ABCB4: variants seen among roughly 807,000 people sequenced by gnomAD.
ABCB4 encodes ATP binding cassette subfamily B member 4, also known as phosphatidylcholine translocator ABCB4.
Under a neutral mutation model 145.7 loss-of-function variants are expected in ABCB4, and 76 were observed. That is an observed-to-expected ratio of 0.52 (90% CI 0.43 to 0.63). ABCB4 has a LOEUF of 0.63. ABCB4 is among the 30% of genes least tolerant of loss of function. The pLI, the probability that ABCB4 is intolerant of heterozygous loss-of-function variation, is 0.00. For missense variants in ABCB4, 1,234 were observed against 1,553.1 expected (o/e 0.79, Z 3.45); for synonymous variants, 517 against 566.8 (o/e 0.91, Z 1.25).
the ABCB4 span, among the ~76,000 whole-genome samples, chr7:87,372,062 G>T: frequency 6.6e-6 from 1 of 151,444 alleles, no homozygotes; most frequent in Non-Finnish European, 1.5e-5. Flanking sequence ...GTGAAAAATG[G>T]TTTTCATTGT....
downstream of ABCB4, among the ~76,000 whole-genome samples, chr7:87,397,669 G>A (rs1427653754): frequency 6.6e-6 from 1 of 152,136 alleles, no homozygotes; most frequent in East Asian, 1.9e-4. Context: ...ACTTCCTAAA[G>A]GTTTCTGTAT....
rs3834727 is a variant in ABCB4, at chr7:87,443,524, G to GA, written c.1231-81dup. On this transcript the variant is annotated intron_variant, in intron 11 of 27. Transcript: ENST00000649586. The stretch of plus-strand genomic sequence containing the variant: ...AATAATTCGATTCAGTTTGAAATTT[G>GA]AAAAAAAAGTATCAAATAAGGGAAT... The GA allele has an allele frequency of 3.3e-5, 52 of 1,585,462 alleles. 1 individual carries two copies. In the South Asian group the frequency reaches 4.2e-4, roughly 13 times the overall value.
chr7:87,388,381 C>T, the ABCB4 span, among the ~76,000 whole-genome samples: 1 of 152,120 alleles, frequency 6.6e-6, no homozygotes, highest in East Asian at 1.9e-4. Context: ...AACTGTACTA[C>T]AAGGCTACAG....
In ABCB4 at chr7:87,417,298, C is replaced by T. The variant is rs762985688; in HGVS notation, c.2682+14G>A. On this transcript the variant is annotated intron_variant, in intron 21 of 27. Transcript: ENST00000649586. ...AACAACACTTAACACCAATTGAAAT[C>T]TTATTTGACCTACCTTTCCAGCAGC... is the stretch of plus-strand genomic sequence containing the variant. The T allele has an allele frequency of 1.2e-6, 2 of 1,613,272 alleles. No individual in the cohort carries two copies. Among genetic ancestry groups the T allele is most frequent in the African/African-American group, 1.3e-5 (1 of 75,050 alleles).
intron 20 of ABCB4, 41 bp from the exon 21 acceptor site, chr7:87,417,556 C>T: frequency 1.3e-6 from 2 of 1,536,748 alleles, no homozygotes; most frequent in Non-Finnish European, 1.8e-6. Flanking sequence ...GTTTTAAGCT[C>T]CAAATGCATG....
chr7:87,406,644 GCATGGCCAA>G (rs1197815738), intron 25 of ABCB4, 150 bp from the exon 26 acceptor site: 21 of 807,428 alleles, frequency 2.6e-5, no homozygotes, highest in Non-Finnish European at 3.7e-5. Context: ...ATTGAGGCCA[GCATGGCCAA>G]CATGATGATT....
rs1353528232 is a variant in ABCB4 at position 87,452,719 on chromosome 7, G to A, written c.536+225C>T. 4 of 593,670 alleles carry A rather than the reference G, an allele frequency of 6.7e-6. No individual in the cohort carries two copies. The East Asian group carries it at 8.6e-5, about 13-fold the overall frequency. The allele number at this position is 593,670 out of a possible 1,614,324, so 36.8% of individuals were successfully genotyped here. On this transcript the variant is annotated intron_variant, in intron 6 of 27. Transcript: ENST00000649586. ...TTCCATGAGAAATAAACAGGTATAA[G>A]ATGTGAATTCAGTCCTCAAATAAAC... is the stretch of plus-strand genomic sequence containing the variant.
chr7:87,460,611 G>A (rs45526438), intron 4 of ABCB4, among the ~76,000 whole-genome samples: 28,282 of 151,000 alleles, frequency 0.19, 2,995 homozygotes, highest in African/African-American at 0.29. Context: ...TGCTGGAAAG[G>A]ACACAATTTT....
chr7:87,411,486 A>G (rs1002497553), intron 23 of ABCB4, among the ~76,000 whole-genome samples: 6 of 152,118 alleles, frequency 3.9e-5, no homozygotes, highest in African/African-American at 1.2e-4. Context: ...CAGACTTCCA[A>G]CAAGTATTCC....
chr7:87,440,495 A>T, intron 12 of ABCB4, 93 bp from the exon 13 acceptor site: 1 of 1,092,080 alleles, frequency 9.2e-7, no homozygotes, highest in Admixed American at 2.2e-5. Context: ...CTAATATTTA[A>T]CTTGGTTCAG....
chr7:87,388,262 TA>T, the ABCB4 span, among the ~76,000 whole-genome samples: 1 of 150,964 alleles, frequency 6.6e-6, no homozygotes, highest in Non-Finnish European at 1.5e-5. Flanking sequence ...TTCAGAAAAT[TA>T]AAAAAAAACT....
the ABCB4 span, among the ~76,000 whole-genome samples, chr7:87,377,120 A>G: frequency 5.9e-5 from 9 of 152,120 alleles, no homozygotes; most frequent in Admixed American, 1.3e-4. Flanking sequence ...CTTTTCTGGT[A>G]GGATTTTCTT....
chr7:87,419,851 C>G (rs1809289573), intron 19 of ABCB4, 147 bp downstream of exon 19: 2 of 862,904 alleles, frequency 2.3e-6, no homozygotes, highest in Non-Finnish European at 4.0e-6. Context: ...CTTGAAGGAC[C>G]AGGACAATTT....
chr7:87,407,778 AGACTGACTG>A (rs1562950229), intron 25 of ABCB4, among the ~76,000 whole-genome samples: 1 of 152,226 alleles, frequency 6.6e-6, no homozygotes, highest in African/African-American at 2.4e-5. Flanking sequence ...TAGAACAATC[AGACTGACTG>A]GAAAGGCCCA....
chr7:87,449,417 CT>C (rs1811556750), intron 8 of ABCB4, among the ~76,000 whole-genome samples: 1 of 151,068 alleles, frequency 6.6e-6, no homozygotes, highest in South Asian at 2.1e-4. Flanking sequence ...TTTTTTGGGG[CT>C]TTTATTTATT....
chr7:87,437,955 A>C (rs1810719097), intron 14 of ABCB4, among the ~76,000 whole-genome samples: 1 of 152,242 alleles, frequency 6.6e-6, no homozygotes. Flanking sequence ...AATTGAATGA[A>C]TTGACTTGTC....
At chr7:87,430,088 G>A (rs1283289751) in intron 15 of ABCB4, among the ~76,000 whole-genome samples, 3 of 152,142 alleles carry the variant, frequency 2.0e-5, no homozygotes, top group African/African-American at 4.8e-5. Flanking sequence ...AGAAACGAAG[G>A]CTCAGAAGAG....
chr7:87,439,882 A>G, intron 13 of ABCB4, 45 bp from the exon 14 acceptor site: 1 of 1,612,952 alleles, frequency 6.2e-7, no homozygotes, highest in South Asian at 1.1e-5. Flanking sequence ...ACTTAAATTT[A>G]AAAAGGCTAG....
Position 87,451,769 on chromosome 7 carries a change from T to G in ABCB4, c.562A>C (p.Ile188Leu). Residue 188 changes from isoleucine to leucine, a missense_variant, in exon 7 of 28, where the codon ATT becomes CTT. Ile to Leu is a conservative substitution (Grantham distance 5). Transcript: ENST00000649586. The part of the protein sequence containing the change: ...TDDISKISEG[I>L]GDKVGMFFQA... ...AAGAACATTCCAACCTTGTCACCAA[T>G]TCCTTCACTGATTTTGGAGATGTCA... 1 of 1,614,100 alleles carries G rather than the reference T, an allele frequency of 6.2e-7. No individual in the cohort carries two copies. The highest frequency in any genetic ancestry group is 1.1e-5 in the South Asian group (1 of 91,072).
Sources: allele counts gnomAD v4.1 joint callset (sites outside exome capture counted in the v4.1 genomes callset), GRCh38; gene constraint gnomAD v4.1.1; transcripts MANE v1.5; gene names NCBI Gene and HGNC (gene_info 2026-07-23, HGNC 2026-07-21).